The following XKR9 variants were observed in gnomAD, a reference collection of about 807,000 sequenced individuals.
The protein encoded by XKR9 is XK-related protein 9.
Under a neutral mutation model 32.0 loss-of-function variants are expected in XKR9, and 32 were observed. The ratio of observed to expected loss-of-function variants is 1.00; its 90% confidence interval spans 0.76 to 1.34. The LOEUF is 1.34. Ranked by LOEUF, XKR9 falls within the 40% of genes most tolerant of loss-of-function variation. The pLI, the probability that XKR9 is intolerant of heterozygous loss-of-function variation, is 0.00. For missense variants in XKR9, 546 were observed against 429.7 expected, an observed-to-expected ratio of 1.27 and a Z score of -2.39; for synonymous variants, 168 against 143.4, an observed-to-expected ratio of 1.17 and a Z score of -1.22.
chr8:71,016,787 G>A, the XKR9 span, among the ~76,000 whole-genome samples: 1 of 151,928 alleles, frequency 6.6e-6, no homozygotes, highest in African/African-American at 2.4e-5. Context: ...GAATTTGAAG[G>A]AAAGGTTGAA....
chr8:70,800,626 C>A, the XKR9 span, among the ~76,000 whole-genome samples: 1 of 152,116 alleles, frequency 6.6e-6, no homozygotes, highest in Non-Finnish European at 1.5e-5. Flanking sequence ...GGTGGGATTA[C>A]AGCCAACTGT....
At chr8:70,808,591 T>G in the XKR9 span, among the ~76,000 whole-genome samples, 2 of 152,176 alleles carry the variant, frequency 1.3e-5, no homozygotes, top group Non-Finnish European at 2.9e-5. Context: ...TCAGGTCACT[T>G]CCACCCTAAT....
the XKR9 span, among the ~76,000 whole-genome samples, chr8:70,967,065 C>CTTTTTTTT: frequency 0.27 from 26,637 of 99,570 alleles, 5,426 homozygotes; most frequent in Non-Finnish European, 0.38. Context: ...GATCTTGACT[C>CTTTTTTTT]TTTTTTTTTT....
intron 2 of XKR9, among the ~76,000 whole-genome samples, chr8:70,766,909 G>T (rs1452740003): frequency 1.3e-5 from 2 of 152,178 alleles, no homozygotes; most frequent in Non-Finnish European, 2.9e-5. Context: ...TTATTGATTT[G>T]TGTATGTTGA....
At chr8:70,914,642 T>C in the XKR9 span, among the ~76,000 whole-genome samples, 2 of 152,202 alleles carry the variant, frequency 1.3e-5, no homozygotes, top group African/African-American at 4.8e-5. Flanking sequence ...GATATATGTA[T>C]GACAGTGATT....
At chr8:71,039,597 G>T in the XKR9 span, among the ~76,000 whole-genome samples, 1 of 152,114 alleles carries the variant, frequency 6.6e-6, no homozygotes, top group Non-Finnish European at 1.5e-5. Context: ...TTTATTCTTT[G>T]TAGTGGAAGG....
intron 3 of XKR9, among the ~76,000 whole-genome samples, chr8:70,686,107 C>T (rs1819268019): frequency 6.6e-6 from 1 of 151,956 alleles, no homozygotes; most frequent in East Asian, 1.9e-4. Context: ...AACAAGTTTC[C>T]CCAGTGTTTG....
chr8:70,851,308 C>T, the XKR9 span, among the ~76,000 whole-genome samples: 2 of 152,114 alleles, frequency 1.3e-5, no homozygotes, highest in Non-Finnish European at 2.9e-5. Flanking sequence ...GAAAAATATT[C>T]CATATTCATG....
chr8:70,922,939 TC>T, the XKR9 span, among the ~76,000 whole-genome samples: 2 of 152,216 alleles, frequency 1.3e-5, no homozygotes, highest in Non-Finnish European at 2.9e-5. Flanking sequence ...CCGACGGGGC[TC>T]ATGGATCAAC....
the XKR9 span, among the ~76,000 whole-genome samples, chr8:70,932,216 G>A: frequency 6.6e-6 from 1 of 151,684 alleles, no homozygotes; most frequent in Non-Finnish European, 1.5e-5. Context: ...ACATGAATGT[G>A]GTAGTATAAT....
chr8:70,698,118 A>G (rs1265139135), intron 3 of XKR9, among the ~76,000 whole-genome samples: 1 of 151,800 alleles, frequency 6.6e-6, no homozygotes, highest in Non-Finnish European at 1.5e-5. Flanking sequence ...AATTTTGTTG[A>G]TCCTTTCAAA....
the XKR9 span, among the ~76,000 whole-genome samples, chr8:70,868,937 C>T: frequency 6.6e-6 from 1 of 152,186 alleles, no homozygotes; most frequent in Non-Finnish European, 1.5e-5. Flanking sequence ...CTCTCAAGTT[C>T]AAAGTTCTAC....
the XKR9 span, among the ~76,000 whole-genome samples, chr8:70,953,828 G>T: frequency 6.6e-6 from 1 of 151,996 alleles, no homozygotes; most frequent in African/African-American, 2.4e-5. Flanking sequence ...GGCTCTACCT[G>T]CCTCTTTCCC....
chr8:70,829,878 C>G, the XKR9 span, among the ~76,000 whole-genome samples: 4 of 152,120 alleles, frequency 2.6e-5, no homozygotes, highest in Admixed American at 2.6e-4. Context: ...AAACGTGATA[C>G]CACACTAGGG....
the XKR9 span, among the ~76,000 whole-genome samples, chr8:70,862,971 G>A: frequency 6.6e-6 from 1 of 152,150 alleles, no homozygotes; most frequent in African/African-American, 2.4e-5. Context: ...GAGGCCTAGT[G>A]TATGCAGAGG....
chr8:71,012,710 T>C, the XKR9 span, among the ~76,000 whole-genome samples: 1 of 152,166 alleles, frequency 6.6e-6, no homozygotes, highest in Non-Finnish European at 1.5e-5. Flanking sequence ...TCCCCTTTGA[T>C]GTAAGTACCT....
the XKR9 span, among the ~76,000 whole-genome samples, chr8:70,917,162 C>T: frequency 6.6e-6 from 1 of 152,078 alleles, no homozygotes. Flanking sequence ...CTTTTTCCTC[C>T]TCTTTCCTTT....
chr8:70,834,147 A>G, the XKR9 span, among the ~76,000 whole-genome samples: 1 of 151,974 alleles, frequency 6.6e-6, no homozygotes, highest in Non-Finnish European at 1.5e-5. Flanking sequence ...TTCTAAGTAT[A>G]GAATATAATA....
At chr8:70,971,861 G>T in the XKR9 span, among the ~76,000 whole-genome samples, 2 of 151,990 alleles carry the variant, frequency 1.3e-5, no homozygotes, top group Non-Finnish European at 2.9e-5. Flanking sequence ...TGGTGACTAT[G>T]GCCTTATAGT....
Sources: allele counts gnomAD v4.1 joint callset (sites outside exome capture counted in the v4.1 genomes callset), GRCh38; gene constraint gnomAD v4.1.1; transcripts MANE v1.5; gene names NCBI Gene and HGNC (gene_info 2026-07-23, HGNC 2026-07-21).